PCDH9: variants seen among roughly 807,000 people sequenced by gnomAD.
PCDH9 encodes the protein protocadherin-9.
PCDH9 carries 24 observed loss-of-function variants against 70.6 expected under a neutral mutation model. The observed-to-expected ratio is 0.34, with a 90% CI of 0.25 to 0.48. PCDH9 has a LOEUF of 0.48. PCDH9 is among the 20% of genes least tolerant of loss of function. The pLI is 0.99. For synonymous variants in PCDH9, 562 were observed against 558.5 expected, an observed-to-expected ratio of 1.01 and a Z score of -0.09; for missense variants, 1,281 against 1,503.6, an observed-to-expected ratio of 0.85 and a Z score of 2.45.
At chr13:66,426,794 T>G (rs1233144608) in intron 4 of PCDH9, among the ~76,000 whole-genome samples, 1 of 151,608 alleles carries the variant, frequency 6.6e-6, no homozygotes, top group Non-Finnish European at 1.5e-5. Context: ...TAATATTTAT[T>G]ACAATAGATA....
chr13:66,793,529 C>A (rs2080193542), intron 3 of PCDH9, among the ~76,000 whole-genome samples: 1 of 152,066 alleles, frequency 6.6e-6, no homozygotes, highest in Admixed American at 6.6e-5. Flanking sequence ...TGTATCTAAA[C>A]AACTTTCATG....
chr13:66,669,809 T>C (rs959525329), intron 3 of PCDH9, among the ~76,000 whole-genome samples: 2 of 152,212 alleles, frequency 1.3e-5, no homozygotes, highest in African/African-American at 2.4e-5. Context: ...AACCTTTTCC[T>C]CAAATTTGAC....
chr13:66,561,342 G>A (rs532558711), intron 4 of PCDH9, among the ~76,000 whole-genome samples: 26 of 152,272 alleles, frequency 1.7e-4, no homozygotes, highest in African/African-American at 3.8e-4. Context: ...CGAGCCTCCC[G>A]GAGGAGTGCC....
chr13:67,185,928 C>T (rs1467094323), intron 2 of PCDH9, among the ~76,000 whole-genome samples: 2 of 152,046 alleles, frequency 1.3e-5, no homozygotes, highest in African/African-American at 4.8e-5. Flanking sequence ...GACAGGGTTT[C>T]TCCAAGTTGG....
intron 4 of PCDH9, among the ~76,000 whole-genome samples, chr13:66,518,325 G>A (rs1026528956): frequency 6.6e-6 from 1 of 151,990 alleles, no homozygotes; most frequent in Non-Finnish European, 1.5e-5. Context: ...ACCAAGCCCC[G>A]CCTACAACAC....
intron 3 of PCDH9, among the ~76,000 whole-genome samples, chr13:66,758,797 C>T (rs915931965): frequency 3.9e-5 from 6 of 152,004 alleles, no homozygotes; most frequent in African/African-American, 1.2e-4. Context: ...TTCAGTCCCC[C>T]TTACTCCTTA....
intron 2 of PCDH9, among the ~76,000 whole-genome samples, chr13:66,989,302 T>A (rs995958849): frequency 2.6e-5 from 4 of 151,926 alleles, no homozygotes; most frequent in East Asian, 1.9e-4. Flanking sequence ...ATTTTCCACA[T>A]CTGGCCCACC....
chr13:66,888,090 A>C (rs74799145), intron 3 of PCDH9, among the ~76,000 whole-genome samples: 6,577 of 152,268 alleles, frequency 0.043, 454 homozygotes, highest in African/African-American at 0.15. Flanking sequence ...TATGCTAATT[A>C]ATTTTACTCA....
chr13:66,373,189 G>A (rs1488592867), intron 4 of PCDH9, among the ~76,000 whole-genome samples: 1 of 151,896 alleles, frequency 6.6e-6, no homozygotes, highest in Non-Finnish European at 1.5e-5. Context: ...CAAACCAGAT[G>A]AATAAACCTT....
chr13:66,579,553 G>A (rs977655539), intron 4 of PCDH9, among the ~76,000 whole-genome samples: 9 of 151,990 alleles, frequency 5.9e-5, no homozygotes, highest in African/African-American at 4.8e-5. Flanking sequence ...CTGATACCAC[G>A]GTGTGATGGA....
chr13:66,664,203 T>G (rs1224292021), intron 3 of PCDH9, among the ~76,000 whole-genome samples: 1 of 152,226 alleles, frequency 6.6e-6, no homozygotes, highest in Non-Finnish European at 1.5e-5. Flanking sequence ...TCTGAAAAAT[T>G]TGCCTGCCTA....
intron 3 of PCDH9, among the ~76,000 whole-genome samples, chr13:66,779,849 C>CTATATATATATATA (rs1185055569): frequency 1.3e-3 from 99 of 78,894 alleles, no homozygotes; most frequent in African/African-American, 4.3e-3. Flanking sequence ...CTCTCTCTCT[C>CTATATATATATATA]TATATATATA....
At chr13:66,425,218 C>T (rs1411842609) in intron 4 of PCDH9, among the ~76,000 whole-genome samples, 1 of 151,704 alleles carries the variant, frequency 6.6e-6, no homozygotes, top group African/African-American at 2.4e-5. Flanking sequence ...TCTCTCTCTA[C>T]CTAAAAACTT....
chr13:66,880,765 GC>G (rs1250689849), intron 3 of PCDH9, among the ~76,000 whole-genome samples: 1 of 152,142 alleles, frequency 6.6e-6, no homozygotes, highest in Admixed American at 6.5e-5. Context: ...CATAGAATGG[GC>G]ACTAGGATCA....
intron 2 of PCDH9, among the ~76,000 whole-genome samples, chr13:67,026,969 C>T (rs1477140314): frequency 2.0e-5 from 3 of 152,238 alleles, no homozygotes; most frequent in Middle Eastern, 3.4e-3. Flanking sequence ...GAATCAATAT[C>T]GTGAAAATGG....
intron 4 of PCDH9, among the ~76,000 whole-genome samples, chr13:66,588,211 G>A (rs943740057): frequency 2.0e-5 from 3 of 151,362 alleles, no homozygotes; most frequent in African/African-American, 4.9e-5. Context: ...TAATGACGGA[G>A]ATACCCCCTG....
At chr13:67,216,701 TATATATGG>T (rs1566502168) in intron 2 of PCDH9, 1 of 143,108 alleles carries the variant, frequency 7.0e-6, no homozygotes, top group Non-Finnish European at 1.5e-5. Context: ...TATATATATA[TATATATGG>T]ATATATATAC....
intron 2 of PCDH9, among the ~76,000 whole-genome samples, chr13:67,064,124 T>A (rs1355850127): frequency 6.6e-6 from 1 of 152,138 alleles, no homozygotes; most frequent in African/African-American, 2.4e-5. Flanking sequence ...TTGAGCAGCA[T>A]CTTCAAAATT....
intron 4 of PCDH9, among the ~76,000 whole-genome samples, chr13:66,580,757 C>A (rs1367406570): frequency 6.6e-6 from 1 of 151,868 alleles, no homozygotes; most frequent in Non-Finnish European, 1.5e-5. Context: ...TTATGATAAG[C>A]AAATATATGT....
Sources: gnomAD v4.1 joint callset for allele counts (sites outside exome capture counted in the v4.1 genomes callset) on GRCh38, gnomAD v4.1.1 for gene constraint, MANE v1.5 for transcripts, NCBI Gene and HGNC (gene_info 2026-07-23, HGNC 2026-07-21) for gene names.